The following CCSER1 variants were observed in gnomAD, a reference collection of about 807,000 sequenced individuals.
CCSER1 encodes the protein serine-rich coiled-coil domain-containing protein 1.
Under a neutral mutation model 82.0 loss-of-function variants are expected in CCSER1, and 41 were observed. That is an observed-to-expected ratio of 0.50 (90% confidence interval 0.39 to 0.65). The LOEUF is 0.65. Ranked by LOEUF, CCSER1 falls within the 30% of genes least tolerant of loss-of-function variation. The probability of loss-of-function intolerance (pLI) is 0.00; values close to 1 mark genes in which losing one functional copy is unlikely to be tolerated. For synonymous variants in CCSER1, 414 were observed against 383.9 expected, an observed-to-expected ratio of 1.08 and a Z score of -0.92; for missense variants, 1,119 against 1,064.2, an observed-to-expected ratio of 1.05 and a Z score of -0.72.
chr4:90,752,683 C>T (rs1051466671), intron 7 of CCSER1, among the ~76,000 whole-genome samples: 2 of 152,064 alleles, frequency 1.3e-5, no homozygotes, highest in Non-Finnish European at 2.9e-5. Context: ...ACAGCCTCTT[C>T]TCCAGATATA....
At chr4:90,767,944 T>C (rs1434045235) in intron 7 of CCSER1, among the ~76,000 whole-genome samples, 1 of 152,202 alleles carries the variant, frequency 6.6e-6, no homozygotes. Flanking sequence ...TGGGCCACCA[T>C]GCCTGACCAA....
intron 10 of CCSER1, among the ~76,000 whole-genome samples, chr4:91,508,162 GT>G (rs139066436): frequency 0.061 from 5,905 of 97,532 alleles, 190 homozygotes; most frequent in South Asian, 0.17. Context: ...TTTTTTCTGG[GT>G]TTTTTTTTTT....
intron 3 of CCSER1, among the ~76,000 whole-genome samples, chr4:90,377,176 G>A (rs537065882): frequency 6.6e-5 from 10 of 152,170 alleles, no homozygotes; most frequent in Non-Finnish European, 1.0e-4. Flanking sequence ...AAATCATGGT[G>A]GACTAATAGC....
chr4:90,811,758 G>A (rs2149744572), intron 7 of CCSER1, among the ~76,000 whole-genome samples: 1 of 152,100 alleles, frequency 6.6e-6, no homozygotes, highest in Middle Eastern at 3.4e-3. Flanking sequence ...GAGTGTCTGT[G>A]GAACAATATT....
rs542936922 is a variant in CCSER1, at chr4:91,177,766, TCTC to T, written c.2217+91775_2217+91777del. Among the ~76,000 whole-genome samples, 5 of 152,234 alleles carry T rather than the reference TCTC, an allele frequency of 3.3e-5. No individual in the cohort carries two copies. In the South Asian group the frequency reaches 1.0e-3, roughly 32 times the overall value. The stretch of plus-strand genomic sequence containing the variant: ...TTTTGTTGATCTTTTCAAAAAACAA[TCTC>T]CTGGATTCATTGATTTTTTGAAGTG... On this transcript the variant is annotated intron_variant, in intron 10 of 10. Transcript: ENST00000509176.
intron 6 of CCSER1, among the ~76,000 whole-genome samples, chr4:90,664,215 CT>C (rs1226192702): frequency 2.0e-5 from 3 of 152,052 alleles, no homozygotes; most frequent in African/African-American, 7.2e-5. Context: ...TTTCTATGTG[CT>C]TCGTTATTTA....
intron 10 of CCSER1, among the ~76,000 whole-genome samples, chr4:91,494,856 A>G (rs1367213026): frequency 2.0e-5 from 3 of 151,766 alleles, no homozygotes; most frequent in African/African-American, 7.2e-5. Flanking sequence ...GGAAGAGGTC[A>G]TTTTTAAAAT....
intron 3 of CCSER1, among the ~76,000 whole-genome samples, chr4:90,390,388 G>A (rs1750798142): frequency 6.6e-6 from 1 of 152,156 alleles, no homozygotes; most frequent in Non-Finnish European, 1.5e-5. Context: ...CCATCACCCA[G>A]GTAGGTAGCA....
chr4:91,504,154 A>G (rs2110099920), intron 10 of CCSER1, among the ~76,000 whole-genome samples: 1 of 152,320 alleles, frequency 6.6e-6, no homozygotes, highest in Non-Finnish European at 1.5e-5. Flanking sequence ...AGTACAACAG[A>G]CACAATACTG....
intron 9 of CCSER1, among the ~76,000 whole-genome samples, chr4:91,076,081 T>A (rs1479722347): frequency 6.6e-6 from 1 of 152,168 alleles, no homozygotes; most frequent in Non-Finnish European, 1.5e-5. Context: ...TTACTATACC[T>A]TACTTCTCCT....
chr4:90,975,264 G>A (rs1200187011), intron 9 of CCSER1, among the ~76,000 whole-genome samples: 1 of 150,976 alleles, frequency 6.6e-6, no homozygotes, highest in Non-Finnish European at 1.5e-5. Context: ...TTTCAGATGA[G>A]GAAAATTTCT....
chr4:90,933,914 ATT>A (rs1186961657), intron 9 of CCSER1, among the ~76,000 whole-genome samples: 1 of 151,816 alleles, frequency 6.6e-6, no homozygotes, highest in South Asian at 2.1e-4. Flanking sequence ...CATTTTTTAC[ATT>A]TTGTTTTAAA....
chr4:90,363,190 A>G (rs1465052204), intron 3 of CCSER1, among the ~76,000 whole-genome samples: 1 of 152,130 alleles, frequency 6.6e-6, no homozygotes, highest in Admixed American at 6.5e-5. Context: ...CCTGTTTTCT[A>G]ATTTTCTACA....
intron 10 of CCSER1, among the ~76,000 whole-genome samples, chr4:91,147,596 A>C (rs1266890956): frequency 6.6e-6 from 1 of 152,188 alleles, no homozygotes; most frequent in African/African-American, 2.4e-5. Flanking sequence ...GTGTGCTTGA[A>C]TTCCCTCGGG....
chr4:91,275,901 A>G (rs1382391524), intron 10 of CCSER1, among the ~76,000 whole-genome samples: 2 of 152,158 alleles, frequency 1.3e-5, no homozygotes, highest in Non-Finnish European at 1.5e-5. Flanking sequence ...ACCCAGCACC[A>G]TTTATTGAAG....
At chr4:90,579,277 C>T (rs1345166696) in intron 5 of CCSER1, among the ~76,000 whole-genome samples, 4 of 152,068 alleles carry the variant, frequency 2.6e-5, no homozygotes, top group Non-Finnish European at 5.9e-5. Flanking sequence ...GGTCTAGCAG[C>T]TCTACTAGGA....
rs1378647990 is a variant in CCSER1, at chr4:90,297,370, T to C, written c.-41-10874T>C. Among the ~76,000 whole-genome samples, 5 of 151,784 alleles carry C rather than the reference T, an allele frequency of 3.3e-5. No individual in the cohort carries two copies. The South Asian group carries it at 6.2e-4, about 19-fold the overall frequency. On this transcript the variant is annotated intron_variant, in intron 1 of 10. Transcript: ENST00000509176. ...TATCCTGAGACTTTGCTGAAGTTGCTTATCAGCTTAAGGAGATTTTGGGCT... is the reference window on the plus strand; with the variant it reads ...TATCCTGAGACTTTGCTGAAGTTGCCTATCAGCTTAAGGAGATTTTGGGCT...
intron 7 of CCSER1, among the ~76,000 whole-genome samples, chr4:90,736,492 G>A (rs1433655975): frequency 1.3e-5 from 2 of 151,624 alleles, no homozygotes; most frequent in Non-Finnish European, 2.9e-5. Context: ...TTTTTGTCTT[G>A]AAATCTACCT....
chr4:90,281,319 T>C (rs1728810241), intron 1 of CCSER1, among the ~76,000 whole-genome samples: 1 of 151,830 alleles, frequency 6.6e-6, no homozygotes, highest in East Asian at 1.9e-4. Context: ...GACAGGGTTT[T>C]TCGTAGGGAC....
Sources: allele counts gnomAD v4.1 joint callset (sites outside exome capture counted in the v4.1 genomes callset), GRCh38; gene constraint gnomAD v4.1.1; transcripts MANE v1.5; gene names NCBI Gene and HGNC (gene_info 2026-07-23, HGNC 2026-07-21).